Variants in EFCAB5 observed in about 807,000 individuals in gnomAD.
EFCAB5 encodes the protein EF-hand calcium binding domain 5.
Under a neutral mutation model 167.9 loss-of-function variants are expected in EFCAB5, and 131 were observed. That is an observed-to-expected ratio of 0.78 (90% CI 0.68 to 0.90). The LOEUF (loss-of-function observed/expected upper bound fraction) is 0.90. Among genes scored for constraint, EFCAB5 ranks in the 40% least tolerant of loss-of-function variants. The pLI is 0.00. For synonymous variants in EFCAB5, 574 were observed against 602.8 expected, an observed-to-expected ratio of 0.95 and a Z score of 0.70; for missense variants, 1,663 against 1,745.2, an observed-to-expected ratio of 0.95 and a Z score of 0.84.
At chr17:30,042,335 CA>C (rs2069796824) in intron 8 of EFCAB5, among the ~76,000 whole-genome samples, 1 of 152,114 alleles carries the variant, frequency 6.6e-6, no homozygotes, top group Admixed American at 6.6e-5. Context: ...TATGCACTAA[CA>C]AACCAAAGCG....
chr17:29,977,021 A>T (rs2068075789), intron 4 of EFCAB5, among the ~76,000 whole-genome samples: 1 of 152,160 alleles, frequency 6.6e-6, no homozygotes, highest in South Asian at 2.1e-4. Context: ...ATTAAAGTGG[A>T]CTTTAATTCT....
At chr17:30,007,223 G>A (rs547053439) in intron 7 of EFCAB5, among the ~76,000 whole-genome samples, 185 of 152,270 alleles carry the variant, frequency 1.2e-3, no homozygotes, top group African/African-American at 4.3e-3. Flanking sequence ...GGGTAGACAA[G>A]CAGTGGATAA....
Position 30,080,890 on chromosome 17 carries a change from A to T in EFCAB5, c.3335A>T (p.Tyr1112Phe). 6.2e-7 allele frequency: 1 copy of T among 1,613,894 alleles called. No individual in the cohort carries two copies. The change falls in exon 17 of 23, where the codon TAT (tyrosine) becomes TTT (phenylalanine). Residue 1112 changes from tyrosine (Y) to phenylalanine (F), a missense_variant. Transcript: ENST00000394835. ...SFLALPLQDAYMRIFGVLAVD... is the reference protein window; with the variant it reads ...SFLALPLQDAFMRIFGVLAVD... ...CTGGCTCTGCCTCTTCAAGATGCATATATGAGGATCTTTGGGGTCTTGGCT... is the reference window on the plus strand; with the variant it reads ...CTGGCTCTGCCTCTTCAAGATGCATTTATGAGGATCTTTGGGGTCTTGGCT...
chr17:29,939,990 A>G (rs1338197481), upstream of EFCAB5, among the ~76,000 whole-genome samples: 1 of 151,890 alleles, frequency 6.6e-6, no homozygotes, highest in East Asian at 1.9e-4. Flanking sequence ...TTAACTGCTT[A>G]TTTCTCTGTT....
intron 7 of EFCAB5, among the ~76,000 whole-genome samples, chr17:30,017,102 G>A (rs994313859): frequency 2.6e-5 from 4 of 151,882 alleles, no homozygotes; most frequent in South Asian, 2.1e-4. Context: ...GCTTGAGCTC[G>A]GGAGGTTGCA....
intron 17 of EFCAB5, among the ~76,000 whole-genome samples, chr17:30,081,644 T>C (rs573595407): frequency 6.6e-6 from 1 of 152,336 alleles, no homozygotes; most frequent in Non-Finnish European, 1.5e-5. Flanking sequence ...GAACTTGAAC[T>C]TGCTATGCCC....
chr17:30,041,970 A>C (rs947451094), intron 8 of EFCAB5, among the ~76,000 whole-genome samples: 40 of 152,126 alleles, frequency 2.6e-4, no homozygotes, highest in African/African-American at 9.7e-4. Flanking sequence ...CTACAGTTTA[A>C]GCTATTGAGC....
intron 18 of EFCAB5, among the ~76,000 whole-genome samples, chr17:30,086,353 A>G (rs1433476100): frequency 6.6e-6 from 1 of 152,158 alleles, no homozygotes; most frequent in Non-Finnish European, 1.5e-5. Context: ...CAGTTTGAAA[A>G]CTTCTTAGAA....
At chr17:29,999,490 T>A (rs2068615728) in intron 6 of EFCAB5, among the ~76,000 whole-genome samples, 2 of 152,104 alleles carry the variant, frequency 1.3e-5, no homozygotes, top group African/African-American at 4.8e-5. Context: ...ATTTGTTAAC[T>A]AAAAGAACAT....
intron 4 of EFCAB5, among the ~76,000 whole-genome samples, chr17:29,991,169 G>A (rs1000973205): frequency 1.5e-4 from 23 of 152,080 alleles, no homozygotes; most frequent in African/African-American, 2.2e-4. Flanking sequence ...AAGAGTACTC[G>A]GGTGTCCTCC....
chr17:30,081,417 A>G (rs974862694), intron 17 of EFCAB5, among the ~76,000 whole-genome samples: 3 of 152,196 alleles, frequency 2.0e-5, no homozygotes, highest in African/African-American at 7.2e-5. Flanking sequence ...TCAGTGTTAT[A>G]ATTTTTGAGG....
At chr17:30,025,415 A>G (rs2069291467) in intron 7 of EFCAB5, among the ~76,000 whole-genome samples, 2 of 152,188 alleles carry the variant, frequency 1.3e-5, no homozygotes, top group Admixed American at 1.3e-4. Context: ...GACACATGAA[A>G]AAATGCTCAT....
intron 8 of EFCAB5, among the ~76,000 whole-genome samples, chr17:30,046,828 AC>A (rs1404236161): frequency 2.0e-5 from 3 of 152,140 alleles, no homozygotes; most frequent in African/African-American, 7.2e-5. Context: ...TTCAAGATCC[AC>A]CTGTACAACA....
chr17:30,080,887 C>A lies in EFCAB5; in HGVS notation c.3332C>A (p.Ala1111Glu). 2 of 1,613,814 alleles carry A rather than the reference C, an allele frequency of 1.2e-6. No individual in the cohort carries two copies. Among genetic ancestry groups the A allele is most frequent in the Non-Finnish European group, 1.7e-6 (2 of 1,179,832 alleles). ...TTCCTGGCTCTGCCTCTTCAAGATGCATATATGAGGATCTTTGGGGTCTTG... is the reference window on the plus strand; with the variant it reads ...TTCCTGGCTCTGCCTCTTCAAGATGAATATATGAGGATCTTTGGGGTCTTG... ...GSFLALPLQDAYMRIFGVLAV... is the reference protein window; with the variant it reads ...GSFLALPLQDEYMRIFGVLAV... The change falls in exon 17 of 23, where the codon GCA becomes GAA. Residue 1111 changes from alanine (A) to glutamate (E), a missense_variant. Coordinates refer to ENST00000394835, the MANE Select transcript of EFCAB5 (RefSeq NM_198529.4).
intron 3 of EFCAB5, among the ~76,000 whole-genome samples, chr17:29,955,336 A>G (rs1487813536): frequency 6.6e-6 from 1 of 152,116 alleles, no homozygotes; most frequent in Non-Finnish European, 1.5e-5. Flanking sequence ...AGTTAATTGA[A>G]TCATAGGGGT....
intron 8 of EFCAB5, among the ~76,000 whole-genome samples, chr17:30,050,535 T>C (rs985325434): frequency 1.4e-4 from 21 of 152,182 alleles, no homozygotes; most frequent in African/African-American, 5.1e-4. Context: ...AATCAACATA[T>C]CCTCTGGCCT....
At chr17:30,011,331 A>G (rs1597664065) in intron 7 of EFCAB5, among the ~76,000 whole-genome samples, 2 of 152,248 alleles carry the variant, frequency 1.3e-5, no homozygotes, top group South Asian at 4.1e-4. Flanking sequence ...GTTTTTTCCA[A>G]TTCTGTGAAG....
intron 14 of EFCAB5, among the ~76,000 whole-genome samples, chr17:30,066,586 C>T (rs1261044470): frequency 5.3e-5 from 8 of 151,538 alleles, no homozygotes; most frequent in South Asian, 2.1e-4. Flanking sequence ...TTCAAATAAA[C>T]GATCTAACAA....
chr17:30,098,597 A>T (rs1407445770), intron 22 of EFCAB5, among the ~76,000 whole-genome samples: 1 of 151,844 alleles, frequency 6.6e-6, no homozygotes, highest in Non-Finnish European at 1.5e-5. Flanking sequence ...CCAAGTAGCT[A>T]CAGGACTGCT....
Sources: allele counts gnomAD v4.1 joint callset (sites outside exome capture counted in the v4.1 genomes callset), GRCh38; gene constraint gnomAD v4.1.1; transcripts MANE v1.5; gene names NCBI Gene and HGNC (gene_info 2026-07-23, HGNC 2026-07-21).